The following KLHL29 variants were observed in gnomAD, a reference collection of about 807,000 sequenced individuals.
KLHL29 encodes the protein kelch like family member 29, also known as kelch-like protein 29.
A neutral mutation model predicts 80.4 loss-of-function variants in KLHL29; 21 were observed. The ratio of observed to expected loss-of-function variants is 0.26; its 90% confidence interval spans 0.19 to 0.38. KLHL29 has a LOEUF of 0.38. Among genes scored for constraint, KLHL29 ranks in the 10% least tolerant of loss-of-function variants. The pLI is 1.00. For missense variants in KLHL29, 867 were observed against 1,223.9 expected, an observed-to-expected ratio of 0.71 and a Z score of 4.35; for synonymous variants, 511 against 526.8, an observed-to-expected ratio of 0.97 and a Z score of 0.41.
chr2:23,606,189 GGAGA>G (rs757910245), intron 3 of KLHL29, among the ~76,000 whole-genome samples: 18 of 140,746 alleles, frequency 1.3e-4, no homozygotes, highest in Admixed American at 1.2e-3. Flanking sequence ...AGAGAGAGAG[GGAGA>G]GAGAGAGGGA....
rs375117316 is a variant in KLHL29, at chr2:23,681,960, C to G, written c.941-2439C>G. On this transcript the variant is annotated intron_variant, in intron 5 of 13. Coordinates refer to ENST00000486442, the MANE Select transcript of KLHL29 (RefSeq NM_052920.2). The surrounding 1 kb of genome is among the most constrained non-coding windows in gnomAD (Gnocchi z 4.2). ...TGCGCAGGCGCCGCTGGGCTCTCTA[C>G]CTTGTCTCTAGCCCAGGCCTCTATC... Among the ~76,000 whole-genome samples the G allele has an allele frequency of 6.6e-6, 1 of 152,106 alleles. No individual in the cohort carries two copies. Among genetic ancestry groups the G allele is most frequent in the East Asian group, 1.9e-4 (1 of 5,180 alleles).
At chr2:23,518,027 A>G (rs905999479) in intron 2 of KLHL29, among the ~76,000 whole-genome samples, 25 of 152,224 alleles carry the variant, frequency 1.6e-4, no homozygotes, top group Non-Finnish European at 3.4e-4. Context: ...AGGACTATGA[A>G]GATTAAATGA....
chr2:23,434,803 G>A (rs996338283), intron 1 of KLHL29, among the ~76,000 whole-genome samples: 7 of 152,128 alleles, frequency 4.6e-5, no homozygotes, highest in Admixed American at 2.6e-4. Flanking sequence ...CTCGGGGCCC[G>A]TGGGCAGTCA....
At chr2:23,488,047 T>C (rs1664981758) in intron 2 of KLHL29, among the ~76,000 whole-genome samples, 1 of 152,122 alleles carries the variant, frequency 6.6e-6, no homozygotes, top group Non-Finnish European at 1.5e-5. Flanking sequence ...GGCAAGACAA[T>C]GGGTCACTTG....
At chr2:23,551,370 A>T (rs559540837) in intron 2 of KLHL29, among the ~76,000 whole-genome samples, 1 of 152,272 alleles carries the variant, frequency 6.6e-6, no homozygotes, top group African/African-American at 2.4e-5. Flanking sequence ...CTACATCAAA[A>T]CCCACGGCCA....
intron 1 of KLHL29, among the ~76,000 whole-genome samples, chr2:23,464,975 C>T (rs1442086820): frequency 6.6e-6 from 1 of 152,172 alleles, no homozygotes; most frequent in African/African-American, 2.4e-5. Context: ...TTAATAGATT[C>T]GTCAACAGCA....
chr2:23,477,918 C>G (rs1403581854), intron 2 of KLHL29, among the ~76,000 whole-genome samples: 2 of 152,182 alleles, frequency 1.3e-5, no homozygotes, highest in African/African-American at 4.8e-5. Context: ...AGTTTGGGGT[C>G]TAATCTTCCC....
intron 2 of KLHL29, among the ~76,000 whole-genome samples, chr2:23,535,822 G>T (rs1666645134): frequency 6.6e-6 from 1 of 152,200 alleles, no homozygotes; most frequent in Non-Finnish European, 1.5e-5. Context: ...CATTTTGGAG[G>T]TGGATCGTGG....
chr2:23,521,008 C>T (rs1666085106), intron 2 of KLHL29, among the ~76,000 whole-genome samples: 1 of 151,548 alleles, frequency 6.6e-6, no homozygotes, highest in Non-Finnish European at 1.5e-5. Flanking sequence ...CCCCCCGCTC[C>T]CCCTCAGGGG....
At chr2:23,692,381 G>A (rs540125652) in intron 7 of KLHL29, among the ~76,000 whole-genome samples, 29 of 152,258 alleles carry the variant, frequency 1.9e-4, no homozygotes, top group South Asian at 2.1e-4. Flanking sequence ...TCCCGGGGGG[G>A]TCGCTGACCC....
At chr2:23,631,120 C>T (rs1669456926) in intron 3 of KLHL29, among the ~76,000 whole-genome samples, 1 of 151,746 alleles carries the variant, frequency 6.6e-6, no homozygotes, top group Admixed American at 6.6e-5. Flanking sequence ...ACGGGTTCTG[C>T]AGTTGTAGCT....
chr2:23,594,311 G>A (rs1333243601), intron 3 of KLHL29, among the ~76,000 whole-genome samples: 2 of 152,100 alleles, frequency 1.3e-5, no homozygotes, highest in Admixed American at 6.5e-5. Context: ...ACCAATTCGC[G>A]TTTTCCTGAA....
chr2:23,466,393 A>T (rs1045567601), intron 1 of KLHL29, among the ~76,000 whole-genome samples: 8 of 152,260 alleles, frequency 5.3e-5, no homozygotes, highest in African/African-American at 1.9e-4. Context: ...GTACAATTTT[A>T]TATGAATTCT....
At position 23,472,107 on chromosome 2, in the gene KLHL29, C is replaced by A. The variant is rs574718599; in HGVS notation, c.-153-3453C>A. 2.9e-5 allele frequency among the ~76,000 whole-genome samples: 3 copies of A among 104,322 alleles called. No homozygotes were observed. The South Asian group carries it at 1.1e-3, about 39-fold the overall frequency. 68.4% of individuals were successfully genotyped at this position (104,322 alleles called of 152,430 possible). On this transcript the variant is annotated intron_variant, in intron 1 of 13. Coordinates refer to ENST00000486442, the MANE Select transcript of KLHL29 (RefSeq NM_052920.2). The stretch of plus-strand genomic sequence containing the variant: ...TCCAAAAGATACTGTCTATTAAGCC[C>A]AGGGTCTAACTGCAAGGCGTGGGGG...
At chr2:23,628,210 C>A (rs923685620) in intron 3 of KLHL29, among the ~76,000 whole-genome samples, 3 of 152,070 alleles carry the variant, frequency 2.0e-5, no homozygotes, top group African/African-American at 7.2e-5. Context: ...GCACCCAGCC[C>A]GAGCCCAGGA....
At chr2:23,472,259 T>C (rs753311125) in intron 1 of KLHL29, among the ~76,000 whole-genome samples, 2 of 151,772 alleles carry the variant, frequency 1.3e-5, no homozygotes, top group African/African-American at 4.8e-5. Flanking sequence ...GAGTTTCTGG[T>C]TGGGGTCGGC....
rs986939985 is a variant in KLHL29 at position 23,700,644 on chromosome 2, C to A, written c.2106-2542C>A. Among the ~76,000 whole-genome samples, 2 of 152,208 alleles carry A rather than the reference C, an allele frequency of 1.3e-5. No homozygotes were observed. The highest frequency in any genetic ancestry group is 2.9e-5 in the Non-Finnish European group (2 of 68,040). On this transcript the variant is annotated intron_variant, in intron 11 of 13. Coordinates refer to ENST00000486442, the MANE Select transcript of KLHL29 (RefSeq NM_052920.2). This position sits in a 1 kb window ranked among gnomAD's most constrained non-coding sequence, Gnocchi z 4.6. ...TCAGCATTCCATTGACCCCTCTCAG[C>A]TCCGGATTCTTTTCTAGGTCCTACC...
chr2:23,642,046 T>G (rs1185088073), intron 4 of KLHL29, among the ~76,000 whole-genome samples: 2 of 152,026 alleles, frequency 1.3e-5, no homozygotes, highest in East Asian at 3.9e-4. Context: ...GAGCTGAGAG[T>G]GGAACCCAAG....
At position 23,562,361 on chromosome 2, in the gene KLHL29, G is replaced by T. The variant is rs781234171; in HGVS notation, c.165G>T (p.Pro55=). The T allele has an allele frequency of 1.3e-6, 2 of 1,541,984 alleles. No individual in the cohort carries two copies. ...TCAGCGTCCGGCCCGGCCTCCTGCC[G>T]CTGCCCGTGGTGCCCTCCCGGCTGC... The part of the protein sequence containing the change: ...SSLSVRPGLL[P]LPVVPSRLPT... The change falls in exon 3 of 14, where the codon CCG becomes CCT. Residue 55 remains proline, a synonymous_variant. Coordinates refer to ENST00000486442, the MANE Select transcript of KLHL29 (RefSeq NM_052920.2). This position sits in a 1 kb window ranked among gnomAD's most constrained non-coding sequence, Gnocchi z 4.5.
Sources: gnomAD v4.1 joint callset for allele counts (sites outside exome capture counted in the v4.1 genomes callset) on GRCh38, gnomAD v4.1.1 for gene constraint, Gnocchi (gnomAD v3.1) non-coding constraint, MANE v1.5 for transcripts, NCBI Gene and HGNC (gene_info 2026-07-23, HGNC 2026-07-21) for gene names.